Variants in PPFIA2 observed in about 807,000 individuals in gnomAD.
PPFIA2 encodes liprin-alpha-2.
PPFIA2 carries 46 observed loss-of-function variants against 175.5 expected under a neutral mutation model. That is an observed-to-expected ratio of 0.26 (90% CI 0.21 to 0.34). The LOEUF (loss-of-function observed/expected upper bound fraction) is 0.34. Among genes scored for constraint, PPFIA2 ranks in the 10% least tolerant of loss-of-function variants. The pLI is 1.00. For synonymous variants in PPFIA2, 568 were observed against 511.4 expected (o/e 1.11, Z -1.49); for missense variants, 1,179 against 1,506.1 (o/e 0.78, Z 3.60).
rs115843038 is a variant in PPFIA2 at position 81,695,173 on chromosome 12, A to C, written c.250-18329T>G. ...TTAAAAATTTGAGGGACTTTTGAGA[A>C]GGCATGATTGTATTTTGCAATGTGA... On this transcript the variant is annotated intron_variant, in intron 3 of 32. Transcript: ENST00000549396. Among the ~76,000 whole-genome samples, 1,002 of 152,202 alleles carry C rather than the reference A, an allele frequency of 6.6e-3. 18 individuals carry two copies. Among genetic ancestry groups the C allele is most frequent in the African/African-American group, 0.023 (950 of 41,536 alleles).
chr12:81,371,108 G>A (rs2034964849), intron 11 of PPFIA2, among the ~76,000 whole-genome samples: 1 of 151,732 alleles, frequency 6.6e-6, no homozygotes, highest in South Asian at 2.1e-4. Flanking sequence ...TTTACATTTT[G>A]TAAGGCTTTC....
intron 22 of PPFIA2, among the ~76,000 whole-genome samples, chr12:81,304,241 C>A (rs1323633207): frequency 2.0e-5 from 3 of 152,106 alleles, no homozygotes; most frequent in African/African-American, 7.2e-5. Context: ...CAAGTTGTGA[C>A]CCCTGACTCC....
intron 19 of PPFIA2, among the ~76,000 whole-genome samples, chr12:81,341,675 T>C (rs1295987880): frequency 1.3e-5 from 2 of 152,134 alleles, no homozygotes; most frequent in Non-Finnish European, 1.5e-5. Context: ...GCCAAAAGAT[T>C]AGACACTGCT....
At chr12:81,746,749 A>T (rs759008667) in intron 3 of PPFIA2, among the ~76,000 whole-genome samples, 1 of 143,568 alleles carries the variant, frequency 7.0e-6, no homozygotes, top group African/African-American at 2.4e-5. Context: ...GGATTTAGAG[A>T]TAAATATTCA....
At chr12:81,705,831 A>T (rs1273438609) in intron 3 of PPFIA2, among the ~76,000 whole-genome samples, 1 of 152,198 alleles carries the variant, frequency 6.6e-6, no homozygotes, top group Non-Finnish European at 1.5e-5. Flanking sequence ...TTTTGTAGAA[A>T]CTGTAGTTTA....
intron 2 of PPFIA2, among the ~76,000 whole-genome samples, chr12:81,757,941 T>C (rs1487446884): frequency 6.6e-6 from 1 of 152,202 alleles, no homozygotes; most frequent in Non-Finnish European, 1.5e-5. Context: ...CAAGGAGTAA[T>C]TCAGTGAGAG....
Position 81,353,255 on chromosome 12 carries a change from T to A in PPFIA2, c.1858A>T (p.Met620Leu), listed in dbSNP as rs1389232114. 2 of 1,613,700 alleles carry A rather than the reference T, an allele frequency of 1.2e-6. No individual in the cohort carries two copies. The highest frequency in any genetic ancestry group is 2.2e-5 in the East Asian group (1 of 44,854). ...CTGTCATCATCATCAATATCAGACA[T>A]TTCAGTGTCACTTTCAAAAGGGTGG... is the stretch of plus-strand genomic sequence containing the variant. The part of the protein sequence containing the change: ...SSHPFESDTE[M>L]SDIDDDDRET... Residue 620 changes from methionine (M) to leucine (L), a missense_variant, in exon 17 of 33, where the codon ATG becomes TTG. Met to Leu is a conservative substitution (Grantham distance 15). Coordinates refer to ENST00000549396, the MANE Select transcript of PPFIA2 (RefSeq NM_003625.5).
rs549908428 is a variant in PPFIA2 at position 81,454,484 on chromosome 12, T to C, written c.405+3281A>G. ...AGATTGCTGTGAGAATAAAGTGAGT[T>C]AAACATGTAAAACATTCATAAAAAC... On this transcript the variant is annotated intron_variant, in intron 5 of 32. Transcript: ENST00000549396. Among the ~76,000 whole-genome samples the C allele has an allele frequency of 2.6e-3, 390 of 152,266 alleles. 1 individual carries two copies. The highest frequency in any genetic ancestry group is 9.0e-3 in the African/African-American group (376 of 41,560).
intron 4 of PPFIA2, among the ~76,000 whole-genome samples, chr12:81,671,393 G>A (rs1467483237): frequency 2.0e-5 from 3 of 151,654 alleles, no homozygotes; most frequent in Non-Finnish European, 4.4e-5. Flanking sequence ...ATAATGTCAA[G>A]TTTCTCCTGT....
At chr12:81,662,278 G>C (rs181674393) in intron 4 of PPFIA2, among the ~76,000 whole-genome samples, 3 of 152,112 alleles carry the variant, frequency 2.0e-5, no homozygotes, top group Non-Finnish European at 4.4e-5. Context: ...TTTTGGAAGA[G>C]ATCAACAAAG....
chr12:81,538,214 A>T (rs2065683834), intron 4 of PPFIA2, among the ~76,000 whole-genome samples: 1 of 151,914 alleles, frequency 6.6e-6, no homozygotes, highest in South Asian at 2.1e-4. Context: ...ATGATAAGGT[A>T]TGGTGAATAC....
At chr12:81,536,387 C>A (rs1031670023) in intron 4 of PPFIA2, among the ~76,000 whole-genome samples, 1 of 151,246 alleles carries the variant, frequency 6.6e-6, no homozygotes, top group Non-Finnish European at 1.5e-5. Flanking sequence ...TAAAAATAAT[C>A]GCTTTCAATT....
chr12:81,373,292 T>C (rs2035616040), intron 11 of PPFIA2, among the ~76,000 whole-genome samples: 1 of 151,928 alleles, frequency 6.6e-6, no homozygotes, highest in South Asian at 2.1e-4. Context: ...TTGAAAAAGA[T>C]AACTCTTTTT....
rs1025534311 is a variant in PPFIA2 at position 81,517,940 on chromosome 12, C to T, written c.304-60074G>A. Among the ~76,000 whole-genome samples, 3 of 121,836 alleles carry T rather than the reference C, an allele frequency of 2.5e-5. No individual in the cohort carries two copies. In the East Asian group the frequency reaches 7.0e-4, roughly 28 times the overall value. The allele number at this position is 121,836 out of a possible 152,430, so 79.9% of individuals were successfully genotyped here. On this transcript the variant is annotated intron_variant, in intron 4 of 32. Transcript: ENST00000549396. The stretch of plus-strand genomic sequence containing the variant: ...ATAATTTACAAATGCCCCAGATTGG[C>T]CTGTCGTGGGGTGGGGGGAGGGATA...
intron 4 of PPFIA2, among the ~76,000 whole-genome samples, chr12:81,490,685 C>T (rs1033710006): frequency 4.6e-5 from 7 of 151,902 alleles, no homozygotes; most frequent in African/African-American, 1.4e-4. Context: ...CAGTCAGATT[C>T]TTTTCTTACA....
chr12:81,474,067 T>G (rs1202085614), intron 4 of PPFIA2, among the ~76,000 whole-genome samples: 1 of 152,206 alleles, frequency 6.6e-6, no homozygotes, highest in Non-Finnish European at 1.5e-5. Context: ...AATCTTTTTT[T>G]AATAGGAAAA....
chr12:81,370,782 G>A (rs1010620819), intron 11 of PPFIA2, among the ~76,000 whole-genome samples: 1 of 151,854 alleles, frequency 6.6e-6, no homozygotes, highest in Non-Finnish European at 1.5e-5. Flanking sequence ...GATTACATAT[G>A]AAGTTATATC....
intron 3 of PPFIA2, among the ~76,000 whole-genome samples, chr12:81,712,415 C>T (rs1268929811): frequency 6.6e-6 from 1 of 151,194 alleles, no homozygotes; most frequent in African/African-American, 2.4e-5. Flanking sequence ...AGGAAAAATG[C>T]TAAAATCCCT....
At chr12:81,543,839 C>T (rs2066582324) in intron 4 of PPFIA2, among the ~76,000 whole-genome samples, 1 of 152,036 alleles carries the variant, frequency 6.6e-6, no homozygotes, top group African/African-American at 2.4e-5. Flanking sequence ...GGTCTTCTTC[C>T]CCAAACCCAT....
Sources: allele counts gnomAD v4.1 joint callset (sites outside exome capture counted in the v4.1 genomes callset), GRCh38; gene constraint gnomAD v4.1.1; transcripts MANE v1.5; gene names NCBI Gene and HGNC (gene_info 2026-07-23, HGNC 2026-07-21).